DGCR2: variants seen among roughly 807,000 people sequenced by gnomAD.
The protein encoded by DGCR2 is integral membrane protein DGCR2/IDD.
Under a neutral mutation model 51.6 loss-of-function variants are expected in DGCR2, and 24 were observed. That is an observed-to-expected ratio of 0.47 (90% CI 0.34 to 0.65). DGCR2 has a LOEUF of 0.65. DGCR2 is among the 30% of genes least tolerant of loss of function. DGCR2 has a pLI of 0.01. For synonymous variants in DGCR2, 340 were observed against 315.4 expected, an observed-to-expected ratio of 1.08 and a Z score of -0.82; for missense variants, 765 against 772.1, an observed-to-expected ratio of 0.99 and a Z score of 0.11.
chr22:19,086,032 T>C (rs2083011014), intron 2 of DGCR2, among the ~76,000 whole-genome samples: 1 of 152,188 alleles, frequency 6.6e-6, no homozygotes, highest in African/African-American at 2.4e-5. Flanking sequence ...TATCTATGAT[T>C]TTTTAAAAAT....
At chr22:19,108,859 A>C (rs1022437244) in intron 1 of DGCR2, among the ~76,000 whole-genome samples, 1 of 112,786 alleles carries the variant, frequency 8.9e-6, no homozygotes, top group Non-Finnish European at 2.0e-5. Context: ...TCATCTTTAC[A>C]AAAAAAAAAA....
chr22:19,060,526 T>C (rs2082649165), intron 5 of DGCR2: 1 of 169,338 alleles, frequency 5.9e-6, no homozygotes, highest in South Asian at 1.2e-4. Flanking sequence ...CACGCTGTTT[T>C]CACTTTTATA....
intron 2 of DGCR2, among the ~76,000 whole-genome samples, chr22:19,084,810 G>T (rs1330929357): frequency 1.8e-5 from 1 of 54,794 alleles, no homozygotes; most frequent in Admixed American, 1.6e-4. Flanking sequence ...GAAGGAGGTG[G>T]GGGGGCGCCT....
chr22:19,069,207 G>A (rs112820880), intron 2 of DGCR2, among the ~76,000 whole-genome samples: 2,590 of 152,332 alleles, frequency 0.017, 69 homozygotes, highest in African/African-American at 0.059. Flanking sequence ...TGCAGATGGC[G>A]AGTGGGGCCT....
chr22:19,109,800 G>A (rs139574475), intron 1 of DGCR2, among the ~76,000 whole-genome samples: 54 of 152,278 alleles, frequency 3.5e-4, no homozygotes, highest in Non-Finnish European at 6.8e-4. Context: ...AAAAAACTGC[G>A]GTAGCAGTGG....
intron 2 of DGCR2, among the ~76,000 whole-genome samples, chr22:19,072,733 G>C (rs1202705396): frequency 6.6e-6 from 1 of 152,128 alleles, no homozygotes; most frequent in East Asian, 1.9e-4. Context: ...AATTAGCTGG[G>C]CGTGGTGGCA....
At chr22:19,039,487 A>C (rs1355621006) in intron 9 of DGCR2, among the ~76,000 whole-genome samples, 1 of 152,186 alleles carries the variant, frequency 6.6e-6, no homozygotes, top group Non-Finnish European at 1.5e-5. Context: ...AGTAAGGTGA[A>C]GACCCGGCTC....
chr22:19,084,371 GA>G (rs2082982261), intron 2 of DGCR2, among the ~76,000 whole-genome samples: 2 of 137,692 alleles, frequency 1.5e-5, no homozygotes, highest in South Asian at 2.5e-4. Context: ...GCCCGGCCAC[GA>G]CCCCGTCTGG....
intron 1 of DGCR2, among the ~76,000 whole-genome samples, chr22:19,100,979 T>C (rs2083195415): frequency 6.7e-6 from 1 of 149,054 alleles, no homozygotes; most frequent in Admixed American, 6.7e-5. Context: ...GGTGGCACGC[T>C]CCTGTAGTCC....
rs186719376 is a variant in DGCR2, at chr22:19,114,211, G to A, written c.79+7917C>T. 3.0e-3 allele frequency among the ~76,000 whole-genome samples: 437 copies of A among 148,076 alleles called. 2 individuals are homozygous for A. The highest frequency in any genetic ancestry group is 3.8e-3 in the Non-Finnish European group (259 of 67,452). On this transcript the variant is annotated intron_variant, in intron 1 of 9. Coordinates refer to ENST00000263196, the MANE Select transcript of DGCR2 (RefSeq NM_005137.3). ...CTGATCTACAAAGATCTCAAAATAA[G>A]TTAAATACAAAAATTAAATAAAAAA...
intron 5 of DGCR2, among the ~76,000 whole-genome samples, chr22:19,062,385 C>T (rs1484776159): frequency 5.9e-5 from 9 of 152,162 alleles, no homozygotes; most frequent in Non-Finnish European, 7.4e-5. Flanking sequence ...CCAGGGAAGC[C>T]GGCCACCCAG....
At chr22:19,063,623 G>C (rs939790779) in intron 4 of DGCR2, among the ~76,000 whole-genome samples, 2 of 151,106 alleles carry the variant, frequency 1.3e-5, no homozygotes, top group Non-Finnish European at 2.9e-5. Context: ...TGCTGGGATT[G>C]TTTTTTAATA....
At chr22:19,108,051 A>G (rs2083276582) in intron 1 of DGCR2, among the ~76,000 whole-genome samples, 1 of 152,056 alleles carries the variant, frequency 6.6e-6, no homozygotes, top group African/African-American at 2.4e-5. Context: ...TGTACCTCCT[A>G]GGGGCCAGGT....
At chr22:19,068,905 C>G (rs1192917098) in intron 2 of DGCR2, among the ~76,000 whole-genome samples, 1 of 152,246 alleles carries the variant, frequency 6.6e-6, no homozygotes, top group Admixed American at 6.5e-5. Flanking sequence ...AATTTGCACA[C>G]CAGTGCTTCC....
At chr22:19,074,664 A>G (rs2082854638) in intron 2 of DGCR2, among the ~76,000 whole-genome samples, 3 of 152,240 alleles carry the variant, frequency 2.0e-5, no homozygotes, top group Admixed American at 2.0e-4. Flanking sequence ...AGGGGTTCAT[A>G]GGGTTTGCTA....
chr22:19,102,861 C>G (rs1255537955), intron 1 of DGCR2, among the ~76,000 whole-genome samples: 1 of 151,982 alleles, frequency 6.6e-6, no homozygotes, highest in Non-Finnish European at 1.5e-5. Flanking sequence ...GAAAAATTTG[C>G]CAGACACGGT....
chr22:19,091,864 T>C (rs2083082640), intron 1 of DGCR2, among the ~76,000 whole-genome samples: 3 of 151,200 alleles, frequency 2.0e-5, no homozygotes, highest in Admixed American at 2.0e-4. Flanking sequence ...CGCTTGAACC[T>C]GAAAAAAAAG....
chr22:19,080,855 A>C (rs1025830523), intron 2 of DGCR2, among the ~76,000 whole-genome samples: 3 of 152,180 alleles, frequency 2.0e-5, no homozygotes, highest in Non-Finnish European at 2.9e-5. Context: ...ATGAAACCCC[A>C]CATCTTATGG....
chr22:19,091,187 C>G (rs2083074482), intron 1 of DGCR2, among the ~76,000 whole-genome samples: 1 of 152,052 alleles, frequency 6.6e-6, no homozygotes, highest in Admixed American at 6.6e-5. Flanking sequence ...GGCAAAATGC[C>G]ATCTCTCTAA....
Sources: allele counts gnomAD v4.1 joint callset (sites outside exome capture counted in the v4.1 genomes callset), GRCh38; gene constraint gnomAD v4.1.1; transcripts MANE v1.5; gene names NCBI Gene and HGNC (gene_info 2026-07-23, HGNC 2026-07-21).